Variants in FIGN observed in about 807,000 individuals in gnomAD.
The protein encoded by FIGN is fidgetin.
FIGN carries 11 observed loss-of-function variants against 51.3 expected under a neutral mutation model. The ratio of observed to expected loss-of-function variants is 0.21; its 90% CI spans 0.13 to 0.35. The LOEUF is 0.35. Among genes scored for constraint, FIGN ranks in the 10% least tolerant of loss-of-function variants. The pLI is 1.00. For synonymous variants in FIGN, 407 were observed against 363.2 expected, an observed-to-expected ratio of 1.12 and a Z score of -1.37; for missense variants, 857 against 943.6, an observed-to-expected ratio of 0.91 and a Z score of 1.20.
At chr2:163,673,531 C>G (rs1203569647) in intron 2 of FIGN, among the ~76,000 whole-genome samples, 1 of 152,094 alleles carries the variant, frequency 6.6e-6, no homozygotes, top group Non-Finnish European at 1.5e-5. Context: ...AAAAATTACT[C>G]TGCCAATTAC....
At chr2:163,711,804 G>A (rs904962133) in intron 2 of FIGN, among the ~76,000 whole-genome samples, 5 of 152,124 alleles carry the variant, frequency 3.3e-5, no homozygotes, top group African/African-American at 9.7e-5. Flanking sequence ...AAAACTGAAC[G>A]TTAGATTAAG....
intron 2 of FIGN, among the ~76,000 whole-genome samples, chr2:163,660,876 TA>T (rs1559012629): frequency 1.1e-4 from 3 of 26,760 alleles, no homozygotes; most frequent in African/African-American, 4.4e-4. Flanking sequence ...TATATATATA[TA>T]TATTTTTTTT....
chr2:163,668,016 C>CA (rs1683810464), intron 2 of FIGN, among the ~76,000 whole-genome samples: 1 of 126,290 alleles, frequency 7.9e-6, no homozygotes, highest in African/African-American at 2.9e-5. Flanking sequence ...TACCTCCAAC[C>CA]CCCCCCCCCA....
intron 2 of FIGN, among the ~76,000 whole-genome samples, chr2:163,615,595 T>C (rs2028406): frequency 0.73 from 110,609 of 152,048 alleles, 40,960 homozygotes; most frequent in East Asian, 0.82. Flanking sequence ...CAATTATGTG[T>C]GAGTCAGAAG....
intron 2 of FIGN, chr2:163,617,237 A>G (rs967199862): frequency 1.1e-5 from 11 of 984,588 alleles, no homozygotes; most frequent in Non-Finnish European, 1.3e-5. Flanking sequence ...ATTACGTATC[A>G]TTTTTACCTA....
In FIGN at chr2:163,658,970, G is replaced by A. The variant is rs74509859; in HGVS notation, c.26-47164C>T. On this transcript the variant is annotated intron_variant, in intron 2 of 2. Coordinates refer to ENST00000333129, the MANE Select transcript of FIGN (RefSeq NM_018086.4). ...CATCCAACAACTCCTTGTGCCCCACGTAATTGTTTCACAGCCAGAAAGGAG... is the reference window on the plus strand; with the variant it reads ...CATCCAACAACTCCTTGTGCCCCACATAATTGTTTCACAGCCAGAAAGGAG... Among the ~76,000 whole-genome samples the A allele has an allele frequency of 3.5e-4, 54 of 152,180 alleles. No individual in the cohort carries two copies. The East Asian group carries it at 9.5e-3, about 27-fold the overall frequency.
chr2:163,702,336 T>G (rs1377864328), intron 2 of FIGN, among the ~76,000 whole-genome samples: 1 of 152,130 alleles, frequency 6.6e-6, no homozygotes, highest in African/African-American at 2.4e-5. Context: ...AGATTACACA[T>G]CATTCTGTTC....
intron 2 of FIGN, among the ~76,000 whole-genome samples, chr2:163,637,477 T>C (rs535494537): frequency 2.0e-5 from 3 of 152,334 alleles, no homozygotes; most frequent in East Asian, 3.9e-4. Context: ...TAAGATTTAA[T>C]GGCAACTCAT....
In FIGN at chr2:163,611,237, T is replaced by C; in HGVS notation, c.595A>G (p.Ser199Gly). 2 of 1,614,116 alleles carry C rather than the reference T, an allele frequency of 1.2e-6. No homozygotes were observed. Among genetic ancestry groups the C allele is most frequent in the African/African-American group, 1.3e-5 (1 of 75,042 alleles). Residue 199 changes from serine to glycine, a missense_variant, in exon 3 of 3, where the codon AGT (serine) becomes GGT (glycine). Transcript: ENST00000333129. ...GGAAGTGCAGGTGCTGGCTGGCTAC[T>C]ATAAGTAGAATGCAAATATGATCCG... is the stretch of plus-strand genomic sequence containing the variant. ...YNGSYLHSTY[S>G]SQPAPALPSP...
intron 2 of FIGN, among the ~76,000 whole-genome samples, chr2:163,642,914 A>C (rs1352835304): frequency 6.6e-6 from 1 of 152,242 alleles, no homozygotes; most frequent in Non-Finnish European, 1.5e-5. Context: ...AAAATATCTC[A>C]TGCTCCTGGA....
At chr2:163,724,848 G>A (rs961526540) in intron 2 of FIGN, among the ~76,000 whole-genome samples, 27 of 152,176 alleles carry the variant, frequency 1.8e-4, no homozygotes, top group Admixed American at 2.0e-4. Flanking sequence ...TTATGGGGAC[G>A]AAAAGATACG....
At chr2:163,624,585 T>A (rs1683025730) in intron 2 of FIGN, among the ~76,000 whole-genome samples, 1 of 151,752 alleles carries the variant, frequency 6.6e-6, no homozygotes, top group South Asian at 2.1e-4. Flanking sequence ...TCTCTCTTCA[T>A]TAGTGAGCTG....
At chr2:163,612,671 G>T (rs898294330) in intron 2 of FIGN, 3 of 946,614 alleles carry the variant, frequency 3.2e-6, no homozygotes, top group African/African-American at 3.6e-5. Context: ...CTTACAGCCT[G>T]CAAGGTACTA....
chr2:163,668,785 CA>C (rs972202199), intron 2 of FIGN, among the ~76,000 whole-genome samples: 1 of 151,498 alleles, frequency 6.6e-6, no homozygotes, highest in Non-Finnish European at 1.5e-5. Context: ...CTAAAAAATA[CA>C]AAAAATTAGC....
chr2:163,678,181 A>G (rs1559018357), intron 2 of FIGN, among the ~76,000 whole-genome samples: 1 of 152,034 alleles, frequency 6.6e-6, no homozygotes, highest in Non-Finnish European at 1.5e-5. Flanking sequence ...GAATCATCTC[A>G]TCCAGAATAC....
rs1691058869 is a variant in FIGN, at chr2:163,604,959, T to TTTTTTTC, written c.*4592_*4593insGAAAAAA. On this transcript the variant is annotated 3_prime_UTR_variant, in exon 3 of 3. Coordinates refer to ENST00000333129, the MANE Select transcript of FIGN (RefSeq NM_018086.4). ...TGCTTTTTTTTTTTTTTTTTTTGTA[T>TTTTTTTC]CATAAGACAACAAGAAGGAATGAAT... 1 of 148,140 alleles carries TTTTTTTC rather than the reference T, an allele frequency of 6.8e-6. No homozygotes were observed. The highest frequency in any genetic ancestry group is 2.5e-5 in the African/African-American group (1 of 40,374). 9.2% of individuals were successfully genotyped at this position (148,140 alleles called of 1,614,324 possible).
chr2:163,670,090 T>C (rs1394960565), intron 2 of FIGN, among the ~76,000 whole-genome samples: 1 of 152,204 alleles, frequency 6.6e-6, no homozygotes, highest in African/African-American at 2.4e-5. Flanking sequence ...GTAATTCTGA[T>C]GGACAGCAAG....
At chr2:163,674,819 AC>A (rs1441329112) in intron 2 of FIGN, among the ~76,000 whole-genome samples, 1 of 151,864 alleles carries the variant, frequency 6.6e-6, no homozygotes, top group East Asian at 1.9e-4. Flanking sequence ...AACATTCTTG[AC>A]AAAAAAAAAA....
chr2:163,632,527 G>A (rs1245294784), intron 2 of FIGN, among the ~76,000 whole-genome samples: 2 of 152,212 alleles, frequency 1.3e-5, no homozygotes, highest in Non-Finnish European at 2.9e-5. Flanking sequence ...CCAAACCTGC[G>A]GGGAGAGACC....
Sources: allele counts gnomAD v4.1 joint callset (sites outside exome capture counted in the v4.1 genomes callset), GRCh38; gene constraint gnomAD v4.1.1; transcripts MANE v1.5; gene names NCBI Gene and HGNC (gene_info 2026-07-23, HGNC 2026-07-21).